The following TMEM116 variants were observed in gnomAD, a reference collection of about 807,000 sequenced individuals.
TMEM116 encodes transmembrane protein 116.
A neutral mutation model predicts 44.3 loss-of-function variants in TMEM116; 38 were observed. That is an observed-to-expected ratio of 0.86 (90% CI 0.66 to 1.12). The LOEUF is 1.12. Among genes scored for constraint, TMEM116 ranks in the 50% most tolerant of loss-of-function variants. The pLI, the probability that TMEM116 is intolerant of heterozygous loss-of-function variation, is 0.00. For missense variants in TMEM116, 354 were observed against 401.7 expected (o/e 0.88, Z 1.01); for synonymous variants, 132 against 144.8 (o/e 0.91, Z 0.64).
intron 4 of TMEM116, among the ~76,000 whole-genome samples, chr12:111,955,455 T>C (rs1228054977): frequency 6.6e-6 from 1 of 152,148 alleles, no homozygotes; most frequent in African/African-American, 2.4e-5. Flanking sequence ...TCCAAATTAA[T>C]CCTCTCAGTG....
chr12:111,986,025 T>C lies in TMEM116; in HGVS notation c.210+5733A>G, dbSNP rs540404076. On this transcript the variant is annotated intron_variant, in intron 4 of 10. Coordinates refer to ENST00000552374, the MANE Select transcript of TMEM116 (RefSeq NM_001193531.2). ...AAAATATACCATACTAAAATTCATA[T>C]GGAATCTCAAGGGACCCTGAATAGC... Among the ~76,000 whole-genome samples the C allele has an allele frequency of 5.3e-5, 8 of 152,084 alleles. No homozygotes were observed. The East Asian group carries it at 1.5e-3, about 29-fold the overall frequency.
intron 3 of TMEM116, among the ~76,000 whole-genome samples, chr12:111,995,716 C>A (rs141008494): frequency 6.6e-6 from 1 of 151,658 alleles, no homozygotes; most frequent in African/African-American, 2.4e-5. Flanking sequence ...CCAGCCTGAG[C>A]GACAGAGTGA....
At chr12:111,979,657 A>G (rs2075842618) in intron 4 of TMEM116, among the ~76,000 whole-genome samples, 1 of 152,248 alleles carries the variant, frequency 6.6e-6, no homozygotes, top group South Asian at 2.1e-4. Context: ...TGTTCTGCAG[A>G]AGACTCTGTT....
chr12:111,955,990 T>C (rs1453361815), intron 4 of TMEM116, among the ~76,000 whole-genome samples: 7 of 152,328 alleles, frequency 4.6e-5, no homozygotes, highest in Admixed American at 1.3e-4. Context: ...TCAGAATGTA[T>C]TGCTGTCGTT....
intron 4 of TMEM116, among the ~76,000 whole-genome samples, chr12:111,989,791 G>C (rs2076439447): frequency 6.6e-6 from 1 of 152,072 alleles, no homozygotes; most frequent in African/African-American, 2.4e-5. Context: ...AGCTCAAAGA[G>C]GTAAAGGAAA....
At chr12:111,988,927 G>A (rs982836455) in intron 4 of TMEM116, among the ~76,000 whole-genome samples, 2 of 152,122 alleles carry the variant, frequency 1.3e-5, no homozygotes, top group Non-Finnish European at 2.9e-5. Flanking sequence ...GGGAGGTGGA[G>A]GTTGCAGTGA....
intron 4 of TMEM116, among the ~76,000 whole-genome samples, chr12:111,965,160 A>T (rs1236867987): frequency 6.6e-6 from 1 of 152,190 alleles, no homozygotes; most frequent in Non-Finnish European, 1.5e-5. Flanking sequence ...TGTATAAATA[A>T]GGGAAGGCCC....
At chr12:111,963,450 A>G (rs945531932) in intron 4 of TMEM116, among the ~76,000 whole-genome samples, 1 of 152,218 alleles carries the variant, frequency 6.6e-6, no homozygotes, top group Non-Finnish European at 1.5e-5. Flanking sequence ...TAGACTGGAT[A>G]AAGAAAATGT....
At chr12:111,949,137 A>G (rs1379205891) in intron 4 of TMEM116, among the ~76,000 whole-genome samples, 1 of 152,166 alleles carries the variant, frequency 6.6e-6, no homozygotes, top group Non-Finnish European at 1.5e-5. Context: ...CCAAAAAAGA[A>G]AGAAAACAAA....
intron 4 of TMEM116, chr12:111,978,725 T>C (rs916788883): frequency 2.4e-6 from 1 of 423,648 alleles, no homozygotes; most frequent in Non-Finnish European, 4.8e-6. Flanking sequence ...AACCAGGAAG[T>C]GGGCTCTTAC....
intron 4 of TMEM116, among the ~76,000 whole-genome samples, chr12:111,979,119 A>G (rs1192497753): frequency 6.6e-6 from 1 of 152,204 alleles, no homozygotes; most frequent in South Asian, 2.1e-4. Flanking sequence ...TCCATGATCC[A>G]TGAAAGAAAA....
At chr12:112,001,659 T>C (rs1256758341) in intron 3 of TMEM116, among the ~76,000 whole-genome samples, 1 of 152,214 alleles carries the variant, frequency 6.6e-6, no homozygotes, top group Non-Finnish European at 1.5e-5. Flanking sequence ...AAAGCTTAGC[T>C]CTCTCTGTGT....
chr12:111,934,056 G>A, intron 8 of TMEM116, 26 bp from the exon 9 acceptor site: 1 of 1,611,378 alleles, frequency 6.2e-7, no homozygotes, highest in African/African-American at 1.3e-5. Flanking sequence ...GCAGTGAGCA[G>A]TTTGCTTAAA....
rs186583045 is a variant in TMEM116 at position 111,957,796 on chromosome 12, C to T, written c.211-14427G>A. ...GGTGTACCCAACAGCTCATTGAGAA[C>T]GGGCCATGATGACAATGGCGGTTTT... On this transcript the variant is annotated intron_variant, in intron 4 of 10. Transcript: ENST00000552374. 0.012 allele frequency among the ~76,000 whole-genome samples: 1,849 copies of T among 152,306 alleles called. 130 individuals carry two copies. In the South Asian group the frequency reaches 0.18, roughly 15 times the overall value.
At chr12:111,952,604 C>T (rs1235236170) in intron 4 of TMEM116, among the ~76,000 whole-genome samples, 6 of 152,292 alleles carry the variant, frequency 3.9e-5, no homozygotes, top group African/African-American at 1.4e-4. Flanking sequence ...CACACCCACC[C>T]TTAATCTGGG....
At chr12:111,993,338 T>C in intron 3 of TMEM116, 1 of 510,682 alleles carries the variant, frequency 2.0e-6, no homozygotes, top group Non-Finnish European at 3.9e-6. Context: ...ATGGTGTTCA[T>C]TCTTTGGCTA....
chr12:111,958,277 TAAAAAAAAA>T (rs61637468), intron 4 of TMEM116, among the ~76,000 whole-genome samples: 3 of 27,494 alleles, frequency 1.1e-4, no homozygotes, highest in Admixed American at 2.8e-4. Context: ...CAATAAATAC[TAAAAAAAAA>T]AAAAAAAAAA....
At chr12:112,008,835 C>A (rs2077706028) in intron 1 of TMEM116, among the ~76,000 whole-genome samples, 1 of 151,738 alleles carries the variant, frequency 6.6e-6, no homozygotes, top group Non-Finnish European at 1.5e-5. Context: ...CATAGCCAGG[C>A]ATGGTGGTGG....
At chr12:111,975,102 A>G (rs2075591276) in intron 4 of TMEM116, among the ~76,000 whole-genome samples, 1 of 152,240 alleles carries the variant, frequency 6.6e-6, no homozygotes, top group African/African-American at 2.4e-5. Flanking sequence ...ATTCAATAAA[A>G]TCCCAATTAA....
Sources: allele counts gnomAD v4.1 joint callset (sites outside exome capture counted in the v4.1 genomes callset), GRCh38; gene constraint gnomAD v4.1.1; transcripts MANE v1.5; gene names NCBI Gene and HGNC (gene_info 2026-07-23, HGNC 2026-07-21).